Variants in GRK3 observed in about 807,000 individuals in gnomAD.
GRK3 encodes the protein G protein-coupled receptor kinase 3, also known as adrenergic, beta, receptor kinase 2.
In GRK3, 54 loss-of-function variants were observed where a neutral mutation model predicts 95.7. The ratio of observed to expected loss-of-function variants is 0.56; its 90% CI spans 0.45 to 0.71. GRK3 has a LOEUF of 0.71. Among genes scored for constraint, GRK3 ranks in the 30% least tolerant of loss-of-function variants. The probability of loss-of-function intolerance (pLI) is 0.00; values close to 1 mark genes in which losing one functional copy is unlikely to be tolerated. For synonymous variants in GRK3, 281 were observed against 290.8 expected (o/e 0.97, Z 0.34); for missense variants, 649 against 851.2 (o/e 0.76, Z 2.96).
At chr22:25,644,247 T>G (rs2084764508) in intron 2 of GRK3, among the ~76,000 whole-genome samples, 2 of 152,152 alleles carry the variant, frequency 1.3e-5, no homozygotes, top group South Asian at 4.2e-4. Flanking sequence ...TCTGTATCTC[T>G]TATTCCTTTG....
chr22:25,574,781 T>C (rs1043782430), intron 1 of GRK3, among the ~76,000 whole-genome samples: 1 of 152,196 alleles, frequency 6.6e-6, no homozygotes, highest in Non-Finnish European at 1.5e-5. Context: ...TTTTATATTA[T>C]GACACAGTAA....
intron 2 of GRK3, among the ~76,000 whole-genome samples, chr22:25,616,469 C>T (rs1454561842): frequency 6.6e-6 from 1 of 152,044 alleles, no homozygotes; most frequent in African/African-American, 2.4e-5. Flanking sequence ...AACTCACTCT[C>T]ATGAGAACAG....
At position 25,725,555 on chromosome 22, in the gene GRK3, C is replaced by T. The variant is rs2085466999; in HGVS notation, c.*3105C>T. The stretch of plus-strand genomic sequence containing the variant: ...ATTTAAGTATGATTTTTCAACAAAA[C>T]TTCTAGAAGTCAGCTTATTATGTCA... On this transcript the variant is annotated 3_prime_UTR_variant, in exon 21 of 21. Coordinates refer to ENST00000324198, the MANE Select transcript of GRK3 (RefSeq NM_005160.4). 2.5e-6 allele frequency: 1 copy of T among 398,546 alleles called. No homozygotes were observed. Among genetic ancestry groups the T allele is most frequent in the Non-Finnish European group, 4.4e-6 (1 of 226,052 alleles). The allele number at this position is 398,546 out of a possible 1,614,324, so 24.7% of individuals were successfully genotyped here. A position where few individuals can be genotyped will look rare whatever the true frequency, so the allele number is the denominator to read the frequency against.
chr22:25,624,708 C>A (rs935199336), intron 2 of GRK3, among the ~76,000 whole-genome samples: 1 of 152,122 alleles, frequency 6.6e-6, no homozygotes, highest in African/African-American at 2.4e-5. Flanking sequence ...TTAATGTTTC[C>A]CAACTGATCC....
At chr22:25,637,934 A>G (rs2084714759) in intron 2 of GRK3, among the ~76,000 whole-genome samples, 1 of 152,176 alleles carries the variant, frequency 6.6e-6, no homozygotes, top group Non-Finnish European at 1.5e-5. Context: ...TGTTCTGTTC[A>G]GGCTTTCAGC....
At position 25,722,440 on chromosome 22, in the gene GRK3, A is replaced by G; in HGVS notation, c.2057A>G (p.Asn686Ser). 1 of 1,614,096 alleles carries G rather than the reference A, an allele frequency of 6.2e-7. No individual in the cohort carries two copies. Among genetic ancestry groups the G allele is most frequent in the Non-Finnish European group, 8.5e-7 (1 of 1,179,994 alleles). ...CCATCCCTCTGTCACAGAAACAGCA[A>G]CGGCCTCTAGCACCCAGAAACAGGG... ...PKPSLCHRNS[N>S]GL Residue 686 changes from asparagine (N) to serine (S), a missense_variant, in exon 21 of 21, where the codon AAC becomes AGC. Physicochemically the swap from Asn to Ser is conservative, Grantham distance 46 (BLOSUM62 1). Coordinates refer to ENST00000324198, the MANE Select transcript of GRK3 (RefSeq NM_005160.4).
At chr22:25,720,669 G>T (rs1194289317) in intron 19 of GRK3, among the ~76,000 whole-genome samples, 2 of 151,782 alleles carry the variant, frequency 1.3e-5, no homozygotes, top group Non-Finnish European at 2.9e-5. Flanking sequence ...TAGAGACGGG[G>T]TTTCACCATC....
intron 13 of GRK3, among the ~76,000 whole-genome samples, chr22:25,700,372 C>T (rs912642450): frequency 6.6e-6 from 1 of 152,210 alleles, no homozygotes; most frequent in African/African-American, 2.4e-5. Context: ...ATTGATGTGA[C>T]AGTGGCCTCG....
At chr22:25,685,847 A>G (rs973507464) in intron 10 of GRK3, among the ~76,000 whole-genome samples, 1 of 151,558 alleles carries the variant, frequency 6.6e-6, no homozygotes, top group South Asian at 2.1e-4. Context: ...AAAGCATACA[A>G]TTCACAACTC....
chr22:25,616,364 A>C (rs937954480), intron 2 of GRK3, among the ~76,000 whole-genome samples: 1 of 151,992 alleles, frequency 6.6e-6, no homozygotes, highest in African/African-American at 2.4e-5. Flanking sequence ...CCTTCTTCAC[A>C]TGGCGGCAGG....
intron 12 of GRK3, among the ~76,000 whole-genome samples, chr22:25,693,525 T>G (rs1009855900): frequency 1.3e-5 from 2 of 152,152 alleles, no homozygotes; most frequent in Non-Finnish European, 2.9e-5. Context: ...CATAGAAATC[T>G]CCAACGCTCT....
In GRK3 at chr22:25,727,220, C is replaced by G. The variant is rs1342150097; in HGVS notation, c.*4770C>G. The G allele has an allele frequency of 6.6e-6, 1 of 152,058 alleles. No homozygotes were observed. The allele number at this position is 152,058 out of a possible 1,614,324, so 9.4% of individuals were successfully genotyped here. ...TTCCTAAAGATTTAACATGATTTTT[C>G]CCTCCTATGTAAAGTTTACTGGAGA... On this transcript the variant is annotated 3_prime_UTR_variant, in exon 21 of 21. Coordinates refer to ENST00000324198, the MANE Select transcript of GRK3 (RefSeq NM_005160.4).
chr22:25,668,873 A>G (rs764264020), intron 6 of GRK3, among the ~76,000 whole-genome samples: 1 of 152,156 alleles, frequency 6.6e-6, no homozygotes, highest in Non-Finnish European at 1.5e-5. Context: ...GATATTTTAT[A>G]ACTTTGCCAT....
At chr22:25,603,295 G>A (rs1321967010) in intron 1 of GRK3, among the ~76,000 whole-genome samples, 1 of 152,012 alleles carries the variant, frequency 6.6e-6, no homozygotes. Flanking sequence ...AAAAAGTAAT[G>A]CTAAATTATT....
At chr22:25,663,031 G>A (rs1055029312) in intron 4 of GRK3, among the ~76,000 whole-genome samples, 1 of 151,788 alleles carries the variant, frequency 6.6e-6, no homozygotes, top group African/African-American at 2.4e-5. Context: ...GGGTATTTTT[G>A]TGTATTTTCT....
intron 9 of GRK3, among the ~76,000 whole-genome samples, chr22:25,682,754 A>T (rs1163879230): frequency 6.6e-6 from 1 of 152,222 alleles, no homozygotes; most frequent in Non-Finnish European, 1.5e-5. Flanking sequence ...TTCATAAGGG[A>T]ATACACGCAT....
At chr22:25,696,601 G>A (rs963818760) in intron 13 of GRK3, among the ~76,000 whole-genome samples, 1 of 152,014 alleles carries the variant, frequency 6.6e-6, no homozygotes, top group Non-Finnish European at 1.5e-5. Context: ...ATTTTCATAT[G>A]AACACAGTCC....
chr22:25,675,679 G>A (rs1176224182), intron 8 of GRK3, among the ~76,000 whole-genome samples: 2 of 152,190 alleles, frequency 1.3e-5, no homozygotes, highest in African/African-American at 4.8e-5. Context: ...GCCTGCCTCC[G>A]GTCAGCCTCT....
At chr22:25,705,520 T>C (rs1392028272) in intron 15 of GRK3, among the ~76,000 whole-genome samples, 1 of 152,192 alleles carries the variant, frequency 6.6e-6, no homozygotes, top group African/African-American at 2.4e-5. Context: ...TTTACACTGT[T>C]AAGGAATCAA....
Sources: gnomAD v4.1 joint callset for allele counts (sites outside exome capture counted in the v4.1 genomes callset) on GRCh38, gnomAD v4.1.1 for gene constraint, MANE v1.5 for transcripts, NCBI Gene and HGNC (gene_info 2026-07-23, HGNC 2026-07-21) for gene names.